Variants in CCDC88A observed in about 807,000 individuals in gnomAD.
CCDC88A encodes the protein coiled-coil and HOOK domain protein 88A, also known as girdin.
Under a neutral mutation model 234.3 loss-of-function variants are expected in CCDC88A, and 54 were observed. The observed-to-expected ratio is 0.23, with a 90% confidence interval of 0.19 to 0.29. The LOEUF (loss-of-function observed/expected upper bound fraction) is 0.29. CCDC88A is among the 10% of genes least tolerant of loss of function. The probability of loss-of-function intolerance (pLI) is 1.00; values close to 1 mark genes in which losing one functional copy is unlikely to be tolerated. For missense variants in CCDC88A, 1,832 were observed against 2,123.4 expected (o/e 0.86, Z 2.70); for synonymous variants, 753 against 737.8 (o/e 1.02, Z -0.33).
At chr2:55,315,038 C>A (rs145757431) in intron 22 of CCDC88A, 1 of 152,184 alleles carries the variant, frequency 6.6e-6, no homozygotes, top group African/African-American at 2.4e-5. Context: ...TCTGGACCAC[C>A]AGTGACATGT....
chr2:55,306,484 T>TAC (rs1681584293), intron 25 of CCDC88A, among the ~76,000 whole-genome samples: 2 of 152,270 alleles, frequency 1.3e-5, no homozygotes, highest in Admixed American at 6.5e-5. Context: ...TACATATATA[T>TAC]ACCTGTGTGT....
In CCDC88A at chr2:55,317,448, T is replaced by C; in HGVS notation, c.3603-99A>G. ...GAGTATCATTTAAAACACATGTAAA[T>C]TTATATAAATTTCTTATGTAAACTA... On this transcript the variant is annotated intron_variant, in intron 20 of 32. Coordinates refer to ENST00000436346, the MANE Select transcript of CCDC88A (RefSeq NM_001365480.1). The surrounding 1 kb of genome is among the most constrained non-coding windows in gnomAD (Gnocchi z 4.2). 8.6e-7 allele frequency: 1 copy of C among 1,156,692 alleles called. No homozygotes were observed. The highest frequency in any genetic ancestry group is 1.2e-6 in the Non-Finnish European group (1 of 852,378). 71.7% of individuals were successfully genotyped at this position (1,156,692 alleles called of 1,614,324 possible).
chr2:55,397,035 CT>C (rs1677722906), intron 2 of CCDC88A, among the ~76,000 whole-genome samples: 1 of 152,012 alleles, frequency 6.6e-6, no homozygotes, highest in African/African-American at 2.4e-5. Context: ...CTCCAGTTCA[CT>C]GTGGTGATAT....
At chr2:55,376,343 G>T (rs1673654111) in intron 3 of CCDC88A, among the ~76,000 whole-genome samples, 1 of 152,096 alleles carries the variant, frequency 6.6e-6, no homozygotes, top group African/African-American at 2.4e-5. Flanking sequence ...GTTTTTGAAG[G>T]TATTCAACTC....
chr2:55,383,943 T>C (rs1574389926), intron 3 of CCDC88A, among the ~76,000 whole-genome samples: 4 of 152,216 alleles, frequency 2.6e-5, no homozygotes, highest in Admixed American at 2.6e-4. Context: ...AAAGTATTGG[T>C]TGGTGCGAAA....
Position 55,334,803 on chromosome 2 carries a change from C to G in CCDC88A, c.2018G>C (p.Arg673Thr). 1 of 1,577,700 alleles carries G rather than the reference C, an allele frequency of 6.3e-7. No homozygotes were observed. Among genetic ancestry groups the G allele is most frequent in the Non-Finnish European group, 8.6e-7 (1 of 1,163,400 alleles). Residue 673 changes from arginine (R) to threonine (T), a missense_variant, in exon 15 of 33, where the codon AGA (arginine) becomes ACA (threonine). Arg to Thr is a moderately conservative substitution (Grantham distance 71, BLOSUM62 -1). Around this residue, in one of 6 missense-constraint regions of CCDC88A, gnomAD observed 1,282 missense variants for 1,543.6 expected, o/e 0.83. Coordinates refer to ENST00000436346, the MANE Select transcript of CCDC88A (RefSeq NM_001365480.1). This position sits in a 1 kb window ranked among gnomAD's most constrained non-coding sequence, Gnocchi z 6.1. ...QENSELEREN[R>T]KLKKTLDSFK... ...GCTATCCAATGTTTTTTTTAATTTT[C>G]TATTTTCTCTTTCTAGCTCTGAATT...
chr2:55,361,761 C>G (rs1671353095), intron 7 of CCDC88A, among the ~76,000 whole-genome samples: 1 of 152,160 alleles, frequency 6.6e-6, no homozygotes, highest in Non-Finnish European at 1.5e-5. Flanking sequence ...AGATAGAAAA[C>G]TTGGTACACT....
At chr2:55,316,233 C>G in intron 21 of CCDC88A, 119 bp from the exon 22 acceptor site, 1 of 432,642 alleles carries the variant, frequency 2.3e-6, no homozygotes, top group Non-Finnish European at 3.9e-6. Flanking sequence ...GACTGTTTTA[C>G]AAGTTACTAA....
chr2:55,375,512 T>TATATATAC lies in CCDC88A; in HGVS notation c.274-630_274-629insGTATATAT, dbSNP rs1491498389. Reference sequence around the variant, plus strand: ...ATATATATATATATATATATATATATGTATGTATGTATAAATATGTTGGGT... The same window carrying TATATATAC: ...ATATATATATATATATATATATATATATATATACGTATGTATGTATAAATATGTTGGGT... On this transcript the variant is annotated intron_variant, in intron 3 of 32. Coordinates refer to ENST00000436346, the MANE Select transcript of CCDC88A (RefSeq NM_001365480.1). Among the ~76,000 whole-genome samples, 104 of 13,836 alleles carry TATATATAC rather than the reference T, an allele frequency of 7.5e-3. 2 individuals carry two copies. The highest frequency in any genetic ancestry group is 0.016 in the African/African-American group (96 of 5,948). 9.1% of individuals were successfully genotyped at this position (13,836 alleles called of 152,430 possible).
intron 3 of CCDC88A, among the ~76,000 whole-genome samples, chr2:55,385,483 T>C (rs1052952316): frequency 3.3e-5 from 5 of 151,938 alleles, no homozygotes; most frequent in African/African-American, 1.2e-4. Flanking sequence ...CTAACATATA[T>C]CAATAAAAAT....
At chr2:55,299,692 T>G in intron 29 of CCDC88A, 147 bp downstream of exon 29, 1 of 595,602 alleles carries the variant, frequency 1.7e-6, no homozygotes, top group East Asian at 2.7e-5. Flanking sequence ...TGTATTACAA[T>G]GTGAAAAGTA....
intron 11 of CCDC88A, 43 bp downstream of exon 11, chr2:55,344,325 T>C: frequency 7.0e-7 from 1 of 1,419,090 alleles, no homozygotes; most frequent in South Asian, 1.6e-5. Flanking sequence ...TCTTAGAAGT[T>C]TTCCTTAAAG....
intron 17 of CCDC88A, among the ~76,000 whole-genome samples, chr2:55,327,921 T>G (rs1684466921): frequency 6.6e-6 from 1 of 152,220 alleles, no homozygotes; most frequent in African/African-American, 2.4e-5. Flanking sequence ...CTTGGTATAC[T>G]CACACTCATA....
intron 7 of CCDC88A, chr2:55,361,840 C>G (rs1671365088): frequency 6.6e-6 from 1 of 152,352 alleles, no homozygotes; most frequent in Non-Finnish European, 1.5e-5. Flanking sequence ...AAAATCACAC[C>G]TCATTTGAGA....
Position 55,419,182 on chromosome 2 carries a change from G to T in CCDC88A, c.-103C>A. 1.4e-6 allele frequency: 1 copy of T among 729,902 alleles called. No individual in the cohort carries two copies. Among genetic ancestry groups the T allele is most frequent in the Non-Finnish European group, 2.4e-6 (1 of 424,156 alleles). 45.2% of individuals were successfully genotyped at this position (729,902 alleles called of 1,614,324 possible). On this transcript the variant is annotated 5_prime_UTR_variant, in exon 1 of 33. Transcript: ENST00000436346. ...GTAGAAATCAATGAAAGTCCATTTC[G>T]GCAAGGGAGAAAAATCCCATCGTGG... is the stretch of plus-strand genomic sequence containing the variant.
In CCDC88A at chr2:55,394,660, G is replaced by A. The variant is rs1395550644; in HGVS notation, c.165-5774C>T. 3.6e-5 allele frequency: 4 copies of A among 111,936 alleles called. No homozygotes were observed. The Middle Eastern group carries it at 0.016, about 447-fold the overall frequency. 6.9% of individuals were successfully genotyped at this position (111,936 alleles called of 1,614,324 possible). ...ACATCACACACTGGGGACTGTTGTG[G>A]GGTGGGGGGAGGGGGGAGGGATAGC... On this transcript the variant is annotated intron_variant, in intron 2 of 32. Coordinates refer to ENST00000436346, the MANE Select transcript of CCDC88A (RefSeq NM_001365480.1).
At chr2:55,366,707 T>C (rs1178344616) in intron 5 of CCDC88A, among the ~76,000 whole-genome samples, 1 of 152,142 alleles carries the variant, frequency 6.6e-6, no homozygotes, top group East Asian at 1.9e-4. Flanking sequence ...CCCTTAATAC[T>C]TTATTCCTCA....
intron 2 of CCDC88A, among the ~76,000 whole-genome samples, chr2:55,410,500 T>C (rs903084966): frequency 5.9e-5 from 9 of 152,338 alleles, no homozygotes; most frequent in East Asian, 3.9e-4. Flanking sequence ...TTGTGGTAAA[T>C]GGATGCTTAT....
At chr2:55,408,423 A>G (rs754545611) in intron 2 of CCDC88A, among the ~76,000 whole-genome samples, 1 of 152,078 alleles carries the variant, frequency 6.6e-6, no homozygotes, top group Non-Finnish European at 1.5e-5. Context: ...ACAGGTTGAG[A>G]TAAGAGGTTG....
Sources: gnomAD v4.1 joint callset for allele counts (sites outside exome capture counted in the v4.1 genomes callset) on GRCh38, gnomAD v4.1.1 for gene constraint, gnomAD v4.1.1 regional missense constraint, Gnocchi (gnomAD v3.1) non-coding constraint, MANE v1.5 for transcripts, NCBI Gene and HGNC (gene_info 2026-07-23, HGNC 2026-07-21) for gene names.